Variants in PSMA1 observed in about 807,000 individuals in gnomAD.
The protein encoded by PSMA1 is proteasome subunit alpha type-1.
Under a neutral mutation model 38.4 loss-of-function variants are expected in PSMA1, and 3 were observed. That is an observed-to-expected ratio of 0.08 (90% CI 0.04 to 0.20). The LOEUF (loss-of-function observed/expected upper bound fraction) is 0.20. Among genes scored for constraint, PSMA1 ranks in the 10% least tolerant of loss-of-function variants. The pLI, the probability that PSMA1 is intolerant of heterozygous loss-of-function variation, is 1.00. For synonymous variants in PSMA1, 101 were observed against 107.1 expected, an observed-to-expected ratio of 0.94 and a Z score of 0.35; for missense variants, 227 against 325.3, an observed-to-expected ratio of 0.70 and a Z score of 2.32.
At chr11:14,526,983 G>A (rs1009366427) in intron 2 of PSMA1, among the ~76,000 whole-genome samples, 9 of 152,060 alleles carry the variant, frequency 5.9e-5, no homozygotes, top group African/African-American at 1.9e-4. Context: ...AAGGGACTAC[G>A]CGTCAATATT....
intron 2 of PSMA1, among the ~76,000 whole-genome samples, chr11:14,580,069 C>T (rs1852265586): frequency 2.0e-5 from 3 of 152,230 alleles, no homozygotes; most frequent in Admixed American, 2.0e-4. Flanking sequence ...CTGATTACTA[C>T]AAGAGAGCGA....
intron 2 of PSMA1, among the ~76,000 whole-genome samples, chr11:14,547,942 C>T (rs920675679): frequency 6.6e-6 from 1 of 151,942 alleles, no homozygotes; most frequent in Middle Eastern, 3.2e-3. Context: ...GAGCAGAGGT[C>T]CCAGAGTAGA....
chr11:14,634,305 G>T (rs1223708741), intron 1 of PSMA1, among the ~76,000 whole-genome samples: 2 of 152,074 alleles, frequency 1.3e-5, no homozygotes, highest in African/African-American at 4.8e-5. Flanking sequence ...TGTATGTCTT[G>T]TTCCCCACTG....
At chr11:14,508,246 C>T (rs1851279963) in intron 8 of PSMA1, among the ~76,000 whole-genome samples, 1 of 152,096 alleles carries the variant, frequency 6.6e-6, no homozygotes, top group African/African-American at 2.4e-5. Context: ...AAGCTGAAAA[C>T]CTTGTTCCTA....
chr11:14,528,464 T>C (rs1020719772), intron 2 of PSMA1, among the ~76,000 whole-genome samples: 3 of 152,154 alleles, frequency 2.0e-5, no homozygotes, highest in African/African-American at 7.2e-5. Context: ...CTTTCTTCAG[T>C]TGAATCTCTC....
chr11:14,633,610 C>T (rs944920096), intron 1 of PSMA1, among the ~76,000 whole-genome samples: 7 of 152,178 alleles, frequency 4.6e-5, no homozygotes, highest in African/African-American at 1.7e-4. Context: ...TGCCCTGCCC[C>T]CAGAAGTGGA....
chr11:14,601,556 C>G (rs1852580201), intron 2 of PSMA1, among the ~76,000 whole-genome samples: 1 of 152,168 alleles, frequency 6.6e-6, no homozygotes, highest in Non-Finnish European at 1.5e-5. Flanking sequence ...GCTGGTAACT[C>G]TGGGTGAATG....
chr11:14,583,864 C>T (rs1373286083), intron 2 of PSMA1, among the ~76,000 whole-genome samples: 1 of 152,082 alleles, frequency 6.6e-6, no homozygotes, highest in Non-Finnish European at 1.5e-5. Context: ...TTTCCCACAC[C>T]CCTGCTTCTG....
chr11:14,596,126 A>G (rs1852489308), intron 2 of PSMA1, among the ~76,000 whole-genome samples: 2 of 152,200 alleles, frequency 1.3e-5, no homozygotes, highest in South Asian at 4.1e-4. Flanking sequence ...TACCAGTACC[A>G]TGCTGTTTTG....
At chr11:14,612,222 G>C (rs904055751) in intron 1 of PSMA1, among the ~76,000 whole-genome samples, 2 of 152,128 alleles carry the variant, frequency 1.3e-5, no homozygotes, top group Non-Finnish European at 2.9e-5. Flanking sequence ...TTGTGTCATA[G>C]GAAAACAAAA....
At chr11:14,556,815 C>A (rs1407661046) in intron 2 of PSMA1, among the ~76,000 whole-genome samples, 1 of 152,144 alleles carries the variant, frequency 6.6e-6, no homozygotes, top group Non-Finnish European at 1.5e-5. Flanking sequence ...TATCTTTTCT[C>A]CATAGAATGT....
chr11:14,637,841 G>T (rs993723482), intron 1 of PSMA1, among the ~76,000 whole-genome samples: 17 of 152,108 alleles, frequency 1.1e-4, no homozygotes, highest in Non-Finnish European at 1.9e-4. Context: ...GGCAGACTTA[G>T]TTGAATAAAA....
chr11:14,595,268 C>T (rs1024987720), intron 2 of PSMA1, among the ~76,000 whole-genome samples: 1 of 152,150 alleles, frequency 6.6e-6, no homozygotes, highest in Non-Finnish European at 1.5e-5. Flanking sequence ...GAGGTATATA[C>T]CCAGTAATGG....
chr11:14,586,114 A>G (rs539680899), intron 2 of PSMA1, among the ~76,000 whole-genome samples: 31 of 152,158 alleles, frequency 2.0e-4, no homozygotes, highest in Non-Finnish European at 2.4e-4. Context: ...CTGTCTACTA[A>G]TCCACTTATT....
intron 1 of PSMA1, among the ~76,000 whole-genome samples, chr11:14,612,536 GA>G (rs986915119): frequency 4.6e-5 from 7 of 151,700 alleles, no homozygotes; most frequent in East Asian, 3.9e-4. Context: ...CAGAAAATTA[GA>G]AAAAAAATGT....
intron 2 of PSMA1, among the ~76,000 whole-genome samples, chr11:14,518,301 G>A (rs1385417156): frequency 6.6e-6 from 1 of 152,042 alleles, no homozygotes; most frequent in Non-Finnish European, 1.5e-5. Context: ...CGGGTTTCAT[G>A]TTGTTCAGGG....
At chr11:14,532,465 C>T (rs564750824) in intron 2 of PSMA1, among the ~76,000 whole-genome samples, 20 of 152,034 alleles carry the variant, frequency 1.3e-4, no homozygotes, top group South Asian at 2.1e-4. Context: ...CTTAGCCCGG[C>T]GTAGTGGCAC....
At chr11:14,507,565 T>C in intron 9 of PSMA1, 91 bp downstream of exon 9, 4 of 906,116 alleles carry the variant, frequency 4.4e-6, no homozygotes, top group Non-Finnish European at 7.0e-6. Context: ...CATTTCAATA[T>C]TTAAGACAAA....
At chr11:14,606,540 T>C (rs1198975899) in intron 2 of PSMA1, among the ~76,000 whole-genome samples, 1 of 151,988 alleles carries the variant, frequency 6.6e-6, no homozygotes, top group African/African-American at 2.4e-5. Context: ...CCAGGATAAA[T>C]AAATGCAGGC....
Sources: allele counts gnomAD v4.1 joint callset (sites outside exome capture counted in the v4.1 genomes callset), GRCh38; gene constraint gnomAD v4.1.1; transcripts MANE v1.5; gene names NCBI Gene and HGNC (gene_info 2026-07-23, HGNC 2026-07-21).